Variants in DLC1 observed in about 807,000 individuals in gnomAD.
The protein encoded by DLC1 is rho GTPase-activating protein 7.
A neutral mutation model predicts 140.3 loss-of-function variants in DLC1; 54 were observed. The ratio of observed to expected loss-of-function variants is 0.38; its 90% confidence interval spans 0.31 to 0.48. The LOEUF is 0.48. Among genes scored for constraint, DLC1 ranks in the 20% least tolerant of loss-of-function variants. DLC1 has a pLI of 0.96. For missense variants in DLC1, 2,536 were observed against 1,907.0 expected, an observed-to-expected ratio of 1.33 and a Z score of -6.14; for synonymous variants, 986 against 728.1, an observed-to-expected ratio of 1.35 and a Z score of -5.70.
chr8:13,384,218 T>C (rs1159602488), intron 4 of DLC1, among the ~76,000 whole-genome samples: 1 of 152,220 alleles, frequency 6.6e-6, no homozygotes, highest in Non-Finnish European at 1.5e-5. Flanking sequence ...AACTTTCCTG[T>C]TCTTGCAAGG....
At chr8:13,491,966 C>T (rs1162221498) in intron 2 of DLC1, among the ~76,000 whole-genome samples, 2 of 152,144 alleles carry the variant, frequency 1.3e-5, no homozygotes, top group Non-Finnish European at 2.9e-5. Flanking sequence ...GCTCAGTGAG[C>T]TACATTTTAG....
chr8:13,358,984 G>T (rs1032531052), intron 4 of DLC1, among the ~76,000 whole-genome samples: 24 of 115,044 alleles, frequency 2.1e-4, no homozygotes, highest in Admixed American at 1.5e-3. Context: ...TGTCGCCCAC[G>T]CTGGAGTGCA....
At chr8:13,600,896 G>A (rs531616851) in intron 1 of DLC1, among the ~76,000 whole-genome samples, 9 of 151,502 alleles carry the variant, frequency 5.9e-5, no homozygotes, top group Non-Finnish European at 8.9e-5. Flanking sequence ...ACTTCAAATG[G>A]CATATACTTA....
chr8:13,100,018 G>A lies in DLC1; in HGVS notation c.2319C>T (p.Gly773=). ...AAGGATCGAAGCCCTCTAAGTACATGCCCACCCGCTTGTTGCACGCACTGA... is the reference window on the plus strand; with the variant it reads ...AAGGATCGAAGCCCTCTAAGTACATACCCACCCGCTTGTTGCACGCACTGA... ...RSLSACNKRV[G]MYLEGFDPFN... The change falls in exon 9 of 18, where the codon GGC becomes GGT. Residue 773 remains glycine, a synonymous_variant. Transcript: ENST00000276297. The A allele has an allele frequency of 6.2e-7, 1 of 1,612,726 alleles. No homozygotes were observed. Among genetic ancestry groups the A allele is most frequent in the Non-Finnish European group, 8.5e-7 (1 of 1,180,040 alleles).
chr8:13,268,684 T>G (rs1830790126), intron 5 of DLC1, among the ~76,000 whole-genome samples: 1 of 151,526 alleles, frequency 6.6e-6, no homozygotes, highest in African/African-American at 2.4e-5. Flanking sequence ...GGCCCAGCCT[T>G]GTTTGCAGAG....
At chr8:13,562,165 C>A (rs1804267263) in intron 1 of DLC1, among the ~76,000 whole-genome samples, 1 of 151,856 alleles carries the variant, frequency 6.6e-6, no homozygotes, top group Non-Finnish European at 1.5e-5. Context: ...TAAAAAATAA[C>A]TAACAAAATA....
chr8:13,398,292 C>T lies in DLC1; in HGVS notation c.1173+3178G>A, dbSNP rs549930890. On this transcript the variant is annotated intron_variant, in intron 3 of 17. Coordinates refer to ENST00000276297, the MANE Select transcript of DLC1 (RefSeq NM_182643.3). ...AGGAAAAAGGAACAATTAACTCTTC[C>T]CCATCACATCTCTTCTCCCTATCCA... Among the ~76,000 whole-genome samples the T allele has an allele frequency of 2.1e-4, 8 of 38,322 alleles. No homozygotes were observed. In the Admixed American group the frequency reaches 2.3e-3, roughly 11 times the overall value. The allele number at this position is 38,322 out of a possible 152,430, so 25.1% of individuals were successfully genotyped here.
At chr8:13,366,861 G>GC in intron 4 of DLC1, among the ~76,000 whole-genome samples, 1 of 152,018 alleles carries the variant, frequency 6.6e-6, no homozygotes, top group East Asian at 1.9e-4. Context: ...CTCCCTTCTG[G>GC]CCGGGCTCTC....
In DLC1 at chr8:13,110,735, C is replaced by T; in HGVS notation, c.1502+7G>A. ...AAAAGGAAAACACTCAAAACGTGTCCATTTACCTGCATAGAGCCTCAATGG... is the reference window on the plus strand; with the variant it reads ...AAAAGGAAAACACTCAAAACGTGTCTATTTACCTGCATAGAGCCTCAATGG... On this transcript the variant is annotated splice_region_variant and intron_variant, in intron 7 of 17. Coordinates refer to ENST00000276297, the MANE Select transcript of DLC1 (RefSeq NM_182643.3). 6.2e-7 allele frequency: 1 copy of T among 1,612,768 alleles called. No homozygotes were observed. Among genetic ancestry groups the T allele is most frequent in the Non-Finnish European group, 8.5e-7 (1 of 1,179,290 alleles).
chr8:13,147,954 T>C (rs1823553921), intron 5 of DLC1, among the ~76,000 whole-genome samples: 1 of 152,090 alleles, frequency 6.6e-6, no homozygotes, highest in African/African-American at 2.4e-5. Context: ...ACTACTGCAC[T>C]CCAGCCTGGG....
At chr8:13,462,452 G>T (rs1363405765) in intron 2 of DLC1, among the ~76,000 whole-genome samples, 5 of 147,804 alleles carry the variant, frequency 3.4e-5, no homozygotes, top group Non-Finnish European at 5.9e-5. Context: ...AGCCCAGGCT[G>T]GAGTGCAGTG....
At position 13,102,938 on chromosome 8, in the gene DLC1, T is replaced by C. The variant is rs879642591; in HGVS notation, c.1503-85A>G. ...AACACCTGTTTTTAAACAATTCATA[T>C]ATTTAAGGAGTTTCTTGAAACTCAG... On this transcript the variant is annotated intron_variant, in intron 7 of 17. Coordinates refer to ENST00000276297, the MANE Select transcript of DLC1 (RefSeq NM_182643.3). 34 of 1,178,992 alleles carry C rather than the reference T, an allele frequency of 2.9e-5. No homozygotes were observed. In the Admixed American group the frequency reaches 6.4e-4, roughly 22 times the overall value. The allele number at this position is 1,178,992 out of a possible 1,614,324, so 73.0% of individuals were successfully genotyped here. A position where few individuals can be genotyped will look rare whatever the true frequency, so the allele number is the denominator to read the frequency against.
At chr8:13,315,050 G>C (rs1832813963) in intron 4 of DLC1, among the ~76,000 whole-genome samples, 1 of 152,200 alleles carries the variant, frequency 6.6e-6, no homozygotes, top group African/African-American at 2.4e-5. Flanking sequence ...CTTCAGGCCT[G>C]AGGGTGTGCA....
intron 5 of DLC1, among the ~76,000 whole-genome samples, chr8:13,249,069 C>T (rs1829890291): frequency 6.6e-6 from 1 of 152,074 alleles, no homozygotes; most frequent in Non-Finnish European, 1.5e-5. Flanking sequence ...TCATCTCAAA[C>T]CTTCGTTTTT....
chr8:13,569,187 A>C (rs529204593), intron 1 of DLC1, among the ~76,000 whole-genome samples: 3 of 152,218 alleles, frequency 2.0e-5, no homozygotes, highest in Non-Finnish European at 2.9e-5. Flanking sequence ...CTCTATAAAA[A>C]TATAAAACCA....
intron 5 of DLC1, among the ~76,000 whole-genome samples, chr8:13,178,783 G>A (rs1825886298): frequency 6.6e-6 from 1 of 151,786 alleles, no homozygotes; most frequent in Non-Finnish European, 1.5e-5. Context: ...TGAAACAGAT[G>A]GAAAACACCA....
chr8:13,191,735 T>C (rs933462506), intron 5 of DLC1, among the ~76,000 whole-genome samples: 1 of 152,130 alleles, frequency 6.6e-6, no homozygotes, highest in Non-Finnish European at 1.5e-5. Flanking sequence ...CCTAGGATTC[T>C]GTTTTTCCTG....
At chr8:13,163,902 G>T (rs1338799441) in intron 5 of DLC1, among the ~76,000 whole-genome samples, 1 of 152,152 alleles carries the variant, frequency 6.6e-6, no homozygotes, top group Non-Finnish European at 1.5e-5. Context: ...CTACTCAGGA[G>T]GCTGAAGTGG....
At chr8:13,438,314 G>T (rs1194155316) in intron 2 of DLC1, among the ~76,000 whole-genome samples, 1 of 152,150 alleles carries the variant, frequency 6.6e-6, no homozygotes, top group Non-Finnish European at 1.5e-5. Context: ...CTTGCTGATG[G>T]ACAGGTGCTT....
Sources: gnomAD v4.1 joint callset for allele counts (sites outside exome capture counted in the v4.1 genomes callset) on GRCh38, gnomAD v4.1.1 for gene constraint, MANE v1.5 for transcripts, NCBI Gene and HGNC (gene_info 2026-07-23, HGNC 2026-07-21) for gene names.